Variants in MAPRE2 observed in about 807,000 individuals in gnomAD.
MAPRE2 encodes microtubule associated protein RP/EB family member 2, also known as microtubule-associated protein RP/EB family member 2.
Under a neutral mutation model 43.2 loss-of-function variants are expected in MAPRE2, and 13 were observed. That is an observed-to-expected ratio of 0.30 (90% CI 0.20 to 0.48). The LOEUF is 0.48. Ranked by LOEUF, MAPRE2 falls within the 20% of genes least tolerant of loss-of-function variation. MAPRE2 has a pLI of 0.99. For missense variants in MAPRE2, 161 were observed against 400.2 expected, an observed-to-expected ratio of 0.40 and a Z score of 5.10; for synonymous variants, 135 against 148.8, an observed-to-expected ratio of 0.91 and a Z score of 0.68.
chr18:34,995,041 T>C (rs962826945), intron 1 of MAPRE2, among the ~76,000 whole-genome samples: 1 of 152,198 alleles, frequency 6.6e-6, no homozygotes, highest in African/African-American at 2.4e-5. Context: ...ATGCATTGGG[T>C]TTTAAAAACT....
At chr18:35,137,742 A>G (rs757754230) in intron 6 of MAPRE2, among the ~76,000 whole-genome samples, 1 of 152,182 alleles carries the variant, frequency 6.6e-6, no homozygotes, top group Non-Finnish European at 1.5e-5. Context: ...GCCACCCAGC[A>G]AGAACACACG....
At chr18:35,058,399 G>A (rs1906346619) in intron 1 of MAPRE2, among the ~76,000 whole-genome samples, 1 of 152,104 alleles carries the variant, frequency 6.6e-6, no homozygotes, top group African/African-American at 2.4e-5. Context: ...AATACTGAGA[G>A]GCTTGTCTAT....
At chr18:35,125,717 A>G (rs1023403580) in intron 4 of MAPRE2, among the ~76,000 whole-genome samples, 1 of 152,214 alleles carries the variant, frequency 6.6e-6, no homozygotes, top group African/African-American at 2.4e-5. Flanking sequence ...TGGGACATCT[A>G]TTTTGGCCGC....
intron 1 of MAPRE2, among the ~76,000 whole-genome samples, chr18:34,980,795 T>G (rs937069092): frequency 1.3e-5 from 2 of 152,226 alleles, no homozygotes; most frequent in Non-Finnish European, 2.9e-5. Context: ...CCCATTATTA[T>G]GAAAAACCAC....
upstream of MAPRE2, among the ~76,000 whole-genome samples, chr18:35,039,711 T>C (rs895239646): frequency 2.0e-5 from 3 of 152,224 alleles, no homozygotes; most frequent in Non-Finnish European, 4.4e-5. Flanking sequence ...TGCTGAAGAA[T>C]TGTCAGGAAT....
chr18:35,087,472 G>A (rs1907930162), intron 2 of MAPRE2, among the ~76,000 whole-genome samples: 2 of 151,952 alleles, frequency 1.3e-5, no homozygotes, highest in South Asian at 4.2e-4. Flanking sequence ...TGGTCTCTAG[G>A]GTCATTCTTA....
At chr18:35,122,237 C>T (rs1039860032) in intron 4 of MAPRE2, among the ~76,000 whole-genome samples, 5 of 152,146 alleles carry the variant, frequency 3.3e-5, no homozygotes, top group Admixed American at 6.5e-5. Flanking sequence ...ACTTCCGTTT[C>T]AAATTGCAGC....
At position 35,133,489 on chromosome 18, in the gene MAPRE2, A is replaced by G. The variant is rs1472723850; in HGVS notation, c.909+1299A>G. Among the ~76,000 whole-genome samples the G allele has an allele frequency of 2.0e-5, 3 of 152,174 alleles. No homozygotes were observed. In the East Asian group the frequency reaches 5.8e-4, roughly 29 times the overall value. ...TGTGTACAGAGTGCTTGCCCTCTGT[A>G]AGCACTAGATGGACTATGGTTATTC... On this transcript the variant is annotated intron_variant, in intron 6 of 6. Transcript: ENST00000300249.
chr18:35,013,600 A>C (rs2097036207), intron 2 of MAPRE2, among the ~76,000 whole-genome samples: 2 of 152,174 alleles, frequency 1.3e-5, no homozygotes, highest in Non-Finnish European at 2.9e-5. Context: ...ATGGTATAGA[A>C]CACTAGAACC....
In MAPRE2 at chr18:35,070,182, G is replaced by GT. The variant is rs756353447; in HGVS notation, c.123-5dup. On this transcript the variant is annotated splice_polypyrimidine_tract_variant and intron_variant, in intron 1 of 6. Coordinates refer to ENST00000300249, the MANE Select transcript of MAPRE2 (RefSeq NM_014268.4). ...ATTTCCTTGTTGTTAAATAAACTTTGTTTTTTTTCTAGTTGGGGAATGGCG... is the reference window on the plus strand; with the variant it reads ...ATTTCCTTGTTGTTAAATAAACTTTGTTTTTTTTTCTAGTTGGGGAATGGCG... 84 of 1,572,680 alleles carry GT rather than the reference G, an allele frequency of 5.3e-5. No homozygotes were observed. Among genetic ancestry groups the GT allele is most frequent in the East Asian group, 1.4e-4 (6 of 43,906 alleles).
chr18:35,077,272 TACAC>T (rs201550975), intron 2 of MAPRE2, among the ~76,000 whole-genome samples: 28 of 84,566 alleles, frequency 3.3e-4, no homozygotes, highest in Admixed American at 4.1e-4. Flanking sequence ...CACACACACA[TACAC>T]ACACACACAC....
At chr18:34,991,466 T>A (rs928193914) in intron 1 of MAPRE2, among the ~76,000 whole-genome samples, 1 of 152,236 alleles carries the variant, frequency 6.6e-6, no homozygotes, top group East Asian at 1.9e-4. Context: ...AGGCTCCTGG[T>A]ACTGCTTACC....
chr18:35,053,781 A>G (rs1252239318), intron 1 of MAPRE2, among the ~76,000 whole-genome samples: 4 of 152,152 alleles, frequency 2.6e-5, no homozygotes, highest in East Asian at 1.9e-4. Context: ...ATTGGGGTCT[A>G]CTTGAGAGGG....
rs1211846368 is a variant in MAPRE2 at position 35,033,454 on chromosome 18, G to A, written c.-8+27901G>A. 6.7e-5 allele frequency among the ~76,000 whole-genome samples: 10 copies of A among 149,632 alleles called. No individual in the cohort carries two copies. The East Asian group carries it at 9.9e-4, about 15-fold the overall frequency. ...GCATTCCCTTTGAAAACTGGCACAA[G>A]ACAGGGATGCCCTCTCTCACCACTC... On this transcript the variant is annotated intron_variant, in intron 2 of 7. Coordinates refer to the MAPRE2 transcript ENST00000413393.
At chr18:35,028,269 A>G (rs2097046277) in intron 2 of MAPRE2, among the ~76,000 whole-genome samples, 1 of 152,224 alleles carries the variant, frequency 6.6e-6, no homozygotes, top group Admixed American at 6.5e-5. Context: ...TTATATCTCA[A>G]AATGTTACCT....
chr18:35,004,734 G>A (rs552378198), intron 1 of MAPRE2, among the ~76,000 whole-genome samples: 19 of 152,232 alleles, frequency 1.2e-4, no homozygotes, highest in Admixed American at 6.5e-4. Context: ...TGGCTAACAC[G>A]GTGAAACACC....
chr18:35,027,977 G>A (rs1178016111), intron 2 of MAPRE2, among the ~76,000 whole-genome samples: 1 of 152,190 alleles, frequency 6.6e-6, no homozygotes, highest in African/African-American at 2.4e-5. Context: ...TTCCCCCAGA[G>A]TAGCTAGACT....
At chr18:34,978,940 A>G (rs1214521242) in intron 1 of MAPRE2, among the ~76,000 whole-genome samples, 3 of 152,240 alleles carry the variant, frequency 2.0e-5, no homozygotes, top group African/African-American at 7.2e-5. Flanking sequence ...CACAGTATTT[A>G]AAAGCAAAAA....
chr18:34,998,772 A>ATTTTTTTTTTTTTTTTTT lies in MAPRE2; in HGVS notation c.-69-6709_-69-6692dup, dbSNP rs67933808. 2.6e-4 allele frequency among the ~76,000 whole-genome samples: 24 copies of ATTTTTTTTTTTTTTTTTT among 93,726 alleles called. 3 individuals are homozygous for ATTTTTTTTTTTTTTTTTT. The highest frequency in any genetic ancestry group is 8.4e-4 in the African/African-American group (17 of 20,168). The allele number at this position is 93,726 out of a possible 152,430, so 61.5% of individuals were successfully genotyped here. On this transcript the variant is annotated intron_variant, in intron 1 of 7. Coordinates refer to the MAPRE2 transcript ENST00000413393. ...GCCACTGAGCCTGGCCGAAGTTGCA[A>ATTTTTTTTTTTTTTTTTT]TTTTTTTTTTTTTTTTTTTTTTTTT...
Sources: gnomAD v4.1 joint callset for allele counts (sites outside exome capture counted in the v4.1 genomes callset) on GRCh38, gnomAD v4.1.1 for gene constraint, MANE v1.5 for transcripts, NCBI Gene and HGNC (gene_info 2026-07-23, HGNC 2026-07-21) for gene names.